The following UNC119B variants were observed in gnomAD, a reference collection of about 807,000 sequenced individuals.
UNC119B encodes the protein protein unc-119 homolog B.
UNC119B carries 16 observed loss-of-function variants against 23.4 expected under a neutral mutation model. The ratio of observed to expected loss-of-function variants is 0.68; its 90% confidence interval spans 0.46 to 1.04. The LOEUF (loss-of-function observed/expected upper bound fraction) is 1.04, where lower values mean the gene tolerates loss of function less well. Ranked by LOEUF, UNC119B falls within the 50% of genes least tolerant of loss-of-function variation. UNC119B has a pLI of 0.00. For missense variants in UNC119B, 350 were observed against 361.3 expected, an observed-to-expected ratio of 0.97 and a Z score of 0.25; for synonymous variants, 144 against 145.4, an observed-to-expected ratio of 0.99 and a Z score of 0.07.
chr12:120,722,584 C>T lies in UNC119B; in HGVS notation c.*2552C>T, dbSNP rs1380851947. On this transcript the variant is annotated 3_prime_UTR_variant, in exon 5 of 5. Transcript: ENST00000344651. The stretch of plus-strand genomic sequence containing the variant: ...GCAAAAAAACTACCTGCATAGGAGA[C>T]CCTGCCCTTTGTCAAGAGCTGGGAG... The T allele has an allele frequency of 6.6e-6, 1 of 152,238 alleles. No individual in the cohort carries two copies. Among genetic ancestry groups the T allele is most frequent in the East Asian group, 1.9e-4 (1 of 5,204 alleles). The allele number at this position is 152,238 out of a possible 1,614,324, so 9.4% of individuals were successfully genotyped here. A position where few individuals can be genotyped will look rare whatever the true frequency, so the allele number is the denominator to read the frequency against.
At chr12:120,718,595 G>A (rs1882828977) in intron 4 of UNC119B, among the ~76,000 whole-genome samples, 1 of 152,214 alleles carries the variant, frequency 6.6e-6, no homozygotes. Context: ...GCCTCGGCAA[G>A]GGAAGATGGG....
At position 120,719,896 on chromosome 12, in the gene UNC119B, C is replaced by T. The variant is rs746891523; in HGVS notation, c.644-24C>T. On this transcript the variant is annotated intron_variant, in intron 4 of 4. Transcript: ENST00000344651. ...CTCAAACATAATTCTTTGCTTTTTT[C>T]TTCCCCCTTTGCCTGACTTGCAGTT... 6.4e-6 allele frequency: 10 copies of T among 1,563,506 alleles called. No individual in the cohort carries two copies. In the African/African-American group the frequency reaches 1.1e-4, roughly 17 times the overall value.
In UNC119B at chr12:120,710,631, G is replaced by T; in HGVS notation, c.157G>T (p.Val53Phe). 1.4e-6 allele frequency: 2 copies of T among 1,444,562 alleles called. No homozygotes were observed. The highest frequency in any genetic ancestry group is 1.8e-6 in the Non-Finnish European group (2 of 1,103,244). 89.5% of individuals were successfully genotyped at this position (1,444,562 alleles called of 1,614,324 possible). A position where few individuals can be genotyped will look rare whatever the true frequency, so the allele number is the denominator to read the frequency against. ...QAPHHAADDG[V>F]GAAVTEQELL... ...GCCCCACCACGCGGCCGACGACGGC[G>T]TCGGGGCAGCGGTCACGGAGCAGGA... Residue 53 changes from valine to phenylalanine, a missense_variant, in exon 1 of 5, where the codon GTC becomes TTC. Val to Phe is a conservative substitution (Grantham distance 50). Transcript: ENST00000344651.
At chr12:120,716,368 T>C (rs755134261) in intron 2 of UNC119B, among the ~76,000 whole-genome samples, 2 of 152,244 alleles carry the variant, frequency 1.3e-5, no homozygotes, top group African/African-American at 2.4e-5. Flanking sequence ...TTGAGGGACT[T>C]TGGACATGTT....
chr12:120,713,736 A>G (rs1033204647), intron 2 of UNC119B, among the ~76,000 whole-genome samples: 1 of 152,192 alleles, frequency 6.6e-6, no homozygotes, highest in African/African-American at 2.4e-5. Context: ...GTGCTGGTTC[A>G]TCTTACCATG....
chr12:120,722,816 G>A lies in UNC119B; in HGVS notation c.*2784G>A, dbSNP rs1057132299. The stretch of plus-strand genomic sequence containing the variant: ...TAAAAGGACATAACAAGTGAAAGAA[G>A]TTTTGGGCTAAAGTAGGCTATGTCT... On this transcript the variant is annotated 3_prime_UTR_variant, in exon 5 of 5. Coordinates refer to ENST00000344651, the MANE Select transcript of UNC119B (RefSeq NM_001080533.3). The A allele has an allele frequency of 6.6e-6, 1 of 152,250 alleles. No individual in the cohort carries two copies. Among genetic ancestry groups the A allele is most frequent in the Non-Finnish European group, 1.5e-5 (1 of 68,044 alleles). The allele number at this position is 152,250 out of a possible 1,614,324, so 9.4% of individuals were successfully genotyped here.
chr12:120,712,973 A>G (rs1193695409), intron 1 of UNC119B, among the ~76,000 whole-genome samples: 4 of 152,358 alleles, frequency 2.6e-5, no homozygotes, highest in East Asian at 3.9e-4. Context: ...TCTGACATCC[A>G]ACTTGATAGA....
intron 2 of UNC119B, among the ~76,000 whole-genome samples, chr12:120,714,873 A>G (rs1355122419): frequency 1.3e-5 from 2 of 152,036 alleles, no homozygotes; most frequent in South Asian, 2.1e-4. Context: ...ACATTTAAGG[A>G]TCTTGATTCA....
intron 2 of UNC119B, among the ~76,000 whole-genome samples, chr12:120,714,812 G>A (rs748031756): frequency 6.6e-6 from 1 of 152,058 alleles, no homozygotes; most frequent in Admixed American, 6.5e-5. Context: ...TTTCAAGAAG[G>A]TCAGCTGAAG....
At chr12:120,719,855 T>C in intron 4 of UNC119B, 65 bp from the exon 5 acceptor site, 2 of 1,186,552 alleles carry the variant, frequency 1.7e-6, no homozygotes, top group South Asian at 2.5e-5. Flanking sequence ...TTCTCCCACC[T>C]ACCCTGTGGG....
At chr12:120,717,508 C>G (rs770183702) in intron 4 of UNC119B, among the ~76,000 whole-genome samples, 19 of 151,800 alleles carry the variant, frequency 1.3e-4, no homozygotes, top group Non-Finnish European at 1.3e-4. Context: ...CCACTCTCCT[C>G]GGCCTCCCAC....
chr12:120,713,692 C>T (rs185858915), intron 2 of UNC119B, among the ~76,000 whole-genome samples: 125 of 152,326 alleles, frequency 8.2e-4, no homozygotes, highest in Admixed American at 1.9e-3. Context: ...GATCTGAGGC[C>T]TACAATTCCC....
Position 120,722,393 on chromosome 12 carries a change from G to C in UNC119B, c.*2361G>C, listed in dbSNP as rs537832980. 1.3e-5 allele frequency: 2 copies of C among 152,218 alleles called. No homozygotes were observed. Among genetic ancestry groups the C allele is most frequent in the Non-Finnish European group, 2.9e-5 (2 of 68,068 alleles). The allele number at this position is 152,218 out of a possible 1,614,324, so 9.4% of individuals were successfully genotyped here. ...AATCTTGAGAAGCATTCCACTCTGG[G>C]GTGTAAACCAGTATGAGTTTGAAAT... On this transcript the variant is annotated 3_prime_UTR_variant, in exon 5 of 5. Transcript: ENST00000344651.
At chr12:120,718,851 A>T (rs1410801211) in intron 4 of UNC119B, among the ~76,000 whole-genome samples, 1 of 152,224 alleles carries the variant, frequency 6.6e-6, no homozygotes, top group Admixed American at 6.5e-5. Flanking sequence ...GTGTGGCAGT[A>T]CAGTTCCCAG....
Position 120,721,747 on chromosome 12 carries a change from T to G in UNC119B, c.*1715T>G, listed in dbSNP as rs1882907131. On this transcript the variant is annotated 3_prime_UTR_variant, in exon 5 of 5. Coordinates refer to ENST00000344651, the MANE Select transcript of UNC119B (RefSeq NM_001080533.3). ...AGACCATTCCTCCTGTGGAGTGGGTTCCTTATCACCAGACCGGCCACTCTC... is the reference window on the plus strand; with the variant it reads ...AGACCATTCCTCCTGTGGAGTGGGTGCCTTATCACCAGACCGGCCACTCTC... 6.5e-6 allele frequency: 1 copy of G among 152,684 alleles called. No individual in the cohort carries two copies. The highest frequency in any genetic ancestry group is 2.1e-4 in the South Asian group (1 of 4,826). The allele number at this position is 152,684 out of a possible 1,614,324, so 9.5% of individuals were successfully genotyped here. A position where few individuals can be genotyped will look rare whatever the true frequency, so the allele number is the denominator to read the frequency against.
rs1403324581 is a variant in UNC119B at position 120,714,994 on chromosome 12, G to A, written c.358+1607G>A. On this transcript the variant is annotated intron_variant, in intron 2 of 4. Coordinates refer to ENST00000344651, the MANE Select transcript of UNC119B (RefSeq NM_001080533.3). ...CTTGAGCCCCAGGAGTTTGAGACCAGCCTGGGCAACATGGCAAAACCCCAT... is the reference window on the plus strand; with the variant it reads ...CTTGAGCCCCAGGAGTTTGAGACCAACCTGGGCAACATGGCAAAACCCCAT... 3.9e-5 allele frequency among the ~76,000 whole-genome samples: 6 copies of A among 152,066 alleles called. No individual in the cohort carries two copies. The East Asian group carries it at 9.6e-4, about 24-fold the overall frequency.
intron 2 of UNC119B, 123 bp downstream of exon 2, chr12:120,713,510 T>G: frequency 2.8e-6 from 2 of 711,250 alleles, no homozygotes; most frequent in Non-Finnish European, 2.4e-6. Flanking sequence ...CTGTGACCTC[T>G]TCCCGTGGCC....
At position 120,710,646 on chromosome 12, in the gene UNC119B, A is replaced by T. The variant is rs1475495771; in HGVS notation, c.172A>T (p.Thr58Ser). Residue 58 changes from threonine (T) to serine (S), a missense_variant, in exon 1 of 5, where the codon ACG (threonine) becomes TCG (serine). By Grantham distance (58) the Thr-to-Ser change is moderately conservative. Coordinates refer to ENST00000344651, the MANE Select transcript of UNC119B (RefSeq NM_001080533.3). ...CGACGACGGCGTCGGGGCAGCGGTC[A>T]CGGAGCAGGAGCTGCTGGCGCTGGA... ...AADDGVGAAV[T>S]EQELLALDTI... 2.8e-6 allele frequency: 4 copies of T among 1,448,690 alleles called. No homozygotes were observed. The highest frequency in any genetic ancestry group is 3.6e-6 in the Non-Finnish European group (4 of 1,105,180). The allele number at this position is 1,448,690 out of a possible 1,614,324, so 89.7% of individuals were successfully genotyped here.
chr12:120,710,799 A>AGC, intron 1 of UNC119B, 81 bp downstream of exon 1: 1 of 1,232,394 alleles, frequency 8.1e-7, no homozygotes, highest in Non-Finnish European at 1.0e-6. Flanking sequence ...CCACTTGACC[A>AGC]GCGCGGGGGT....
Sources: allele counts gnomAD v4.1 joint callset (sites outside exome capture counted in the v4.1 genomes callset), GRCh38; gene constraint gnomAD v4.1.1; transcripts MANE v1.5; gene names NCBI Gene and HGNC (gene_info 2026-07-23, HGNC 2026-07-21).